The following STMN1 variants were observed in gnomAD, a reference collection of about 807,000 sequenced individuals.
STMN1 encodes the protein stathmin 1.
A neutral mutation model predicts 19.7 loss-of-function variants in STMN1; 3 were observed. The ratio of observed to expected loss-of-function variants is 0.15; its 90% CI spans 0.07 to 0.39. The LOEUF is 0.39. Among genes scored for constraint, STMN1 ranks in the 10% least tolerant of loss-of-function variants. STMN1 has a pLI of 1.00. For synonymous variants in STMN1, 59 were observed against 58.9 expected (o/e 1.00, Z -0.01); for missense variants, 99 against 176.0 (o/e 0.56, Z 2.48).
intron 4 of STMN1, chr1:25,892,599 G>A: frequency 5.1e-6 from 5 of 985,326 alleles, no homozygotes; most frequent in Non-Finnish European, 6.0e-6. Flanking sequence ...AGCTGGAGCT[G>A]AGATTCTTGA....
chr1:25,887,043 C>T (rs932954603), intron 4 of STMN1, among the ~76,000 whole-genome samples: 5 of 152,140 alleles, frequency 3.3e-5, no homozygotes, highest in Non-Finnish European at 1.5e-5. Context: ...CTCTGATTAT[C>T]CTACCAGACC....
At chr1:25,903,871 G>C in intron 2 of STMN1, 58 bp from the exon 3 acceptor site, 1 of 1,508,806 alleles carries the variant, frequency 6.6e-7, no homozygotes, top group Non-Finnish European at 8.9e-7. Flanking sequence ...CTAATAAACT[G>C]TACTATAATT....
At chr1:25,885,592 C>G (rs1285984684) in exon 5 of STMN1, 3 of 1,200,726 alleles carry the variant, frequency 2.5e-6, no homozygotes, top group Non-Finnish European at 3.4e-6. Context: ...GCAGAACTGG[C>G]TGGTATTAGA....
rs896135736 is a variant in STMN1 at position 25,906,216 on chromosome 1, G to C, written c.-63+173C>G. ...AGAGCGGGGACAAAGGCGAGGCTCC[G>C]CCCGAGCCACACACAAAGCGGAGCG... is the stretch of plus-strand genomic sequence containing the variant. On this transcript the variant is annotated intron_variant, in intron 1 of 4. Transcript: ENST00000455785. This position sits in a 1 kb window ranked among gnomAD's most constrained non-coding sequence, Gnocchi z 4.5. 2.6e-5 allele frequency: 4 copies of C among 152,012 alleles called. No homozygotes were observed. Among genetic ancestry groups the C allele is most frequent in the African/African-American group, 9.7e-5 (4 of 41,378 alleles). 9.4% of individuals were successfully genotyped at this position (152,012 alleles called of 1,614,324 possible).
At chr1:25,885,717 A>G in exon 5 of STMN1, 1 of 1,548,558 alleles carries the variant, frequency 6.5e-7, no homozygotes, top group Non-Finnish European at 8.7e-7. Flanking sequence ...AATATTTATT[A>G]AGTACCTAGT....
chr1:25,895,163 C>T (rs183893546), downstream of STMN1, among the ~76,000 whole-genome samples: 16 of 141,342 alleles, frequency 1.1e-4, no homozygotes, highest in African/African-American at 2.6e-4. Context: ...AGTGCGGTGG[C>T]GTGATCTATG....
chr1:25,897,917 CAT>C (rs1243913159), downstream of STMN1, among the ~76,000 whole-genome samples: 1 of 152,184 alleles, frequency 6.6e-6, no homozygotes, highest in African/African-American at 2.4e-5. Flanking sequence ...GTTTAGAGCA[CAT>C]GTCCCAGTTC....
Position 25,906,014 on chromosome 1 carries a change from C to A in STMN1, c.-63+375G>T, listed in dbSNP as rs903748385. ...GCAGTTTGGTCCTAAAGCCGCTGGT[C>A]CCTGGGGCACCGCCCCGTCCCTTCA... On this transcript the variant is annotated intron_variant, in intron 1 of 4. Transcript: ENST00000455785. The surrounding 1 kb of genome is among the most constrained non-coding windows in gnomAD (Gnocchi z 4.5). 2.0e-5 allele frequency: 3 copies of A among 152,180 alleles called. No homozygotes were observed. The highest frequency in any genetic ancestry group is 2.9e-5 in the Non-Finnish European group (2 of 68,032). The allele number at this position is 152,180 out of a possible 1,614,324, so 9.4% of individuals were successfully genotyped here. A position where few individuals can be genotyped will look rare whatever the true frequency, so the allele number is the denominator to read the frequency against.
downstream of STMN1, among the ~76,000 whole-genome samples, chr1:25,898,479 G>A (rs532740321): frequency 6.6e-6 from 1 of 152,300 alleles, no homozygotes; most frequent in Admixed American, 6.5e-5. Context: ...ACATGGGCAC[G>A]TGATATGCTG....
intron 2 of STMN1, 43 bp from the exon 3 acceptor site, chr1:25,903,856 C>G: frequency 6.4e-7 from 1 of 1,556,868 alleles, no homozygotes; most frequent in Non-Finnish European, 8.7e-7. Flanking sequence ...CAGGATTCTC[C>G]TGTTCTAATA....
chr1:25,894,480 G>T (rs945920150), intron 4 of STMN1, among the ~76,000 whole-genome samples: 1 of 152,202 alleles, frequency 6.6e-6, no homozygotes, highest in Admixed American at 6.5e-5. Context: ...AGGAGTTCGA[G>T]ACCGGCCTGG....
chr1:25,893,109 T>C (rs554773313), intron 4 of STMN1, among the ~76,000 whole-genome samples: 1 of 152,182 alleles, frequency 6.6e-6, no homozygotes, highest in Admixed American at 6.5e-5. Flanking sequence ...ACATTTATAT[T>C]ATCTATATTT....
At chr1:25,902,024 A>G (rs770888804) in intron 3 of STMN1, 54 of 162,936 alleles carry the variant, frequency 3.3e-4, no homozygotes, top group Non-Finnish European at 6.0e-4. Flanking sequence ...AAATGTATTC[A>G]GCATAAGTTA....
downstream of STMN1, among the ~76,000 whole-genome samples, chr1:25,897,149 C>G (rs2048824332): frequency 6.6e-6 from 1 of 151,994 alleles, no homozygotes; most frequent in South Asian, 2.1e-4. Context: ...CCTGTCTCTA[C>G]TAAGAATACA....
intron 4 of STMN1, among the ~76,000 whole-genome samples, chr1:25,894,302 G>A (rs1297914225): frequency 6.6e-6 from 1 of 152,130 alleles, no homozygotes; most frequent in Non-Finnish European, 1.5e-5. Flanking sequence ...CAGGCTGTTG[G>A]GGACTGGAGA....
At chr1:25,891,825 G>A (rs994278389) in intron 4 of STMN1, among the ~76,000 whole-genome samples, 6 of 152,254 alleles carry the variant, frequency 3.9e-5, no homozygotes, top group African/African-American at 1.4e-4. Flanking sequence ...CACACAATGA[G>A]GGGGAAATGG....
rs1192280346 is a variant in STMN1 at position 25,885,694 on chromosome 1, A to G, written c.*29T>C. 13 of 1,541,614 alleles carry G rather than the reference A, an allele frequency of 8.4e-6. 1 individual carries two copies. The South Asian group carries it at 1.5e-4, about 17-fold the overall frequency. On this transcript the variant is annotated 3_prime_UTR_variant, in exon 5 of 5. Transcript: ENST00000426559. ...GTTCATCAGTCTCAAGGTCATTGCT[A>G]TCATCAACAGCAAATATTTATTAAG...
chr1:25,890,663 G>A (rs938687119), intron 4 of STMN1, among the ~76,000 whole-genome samples: 24 of 152,220 alleles, frequency 1.6e-4, no homozygotes, highest in Non-Finnish European at 2.8e-4. Flanking sequence ...ACTAGAGCCA[G>A]GTAGTCATCT....
In STMN1 at chr1:25,906,319, C is replaced by A. The variant is rs1391877912; in HGVS notation, c.-63+70G>T. On this transcript the variant is annotated intron_variant, in intron 1 of 4. Transcript: ENST00000455785. The surrounding 1 kb of genome is among the most constrained non-coding windows in gnomAD (Gnocchi z 4.5). ...GCAGGGGGTCGCTGCCACGGCCCAGCCCCTCCCGCCGACCGCGTCCCTCTT... is the reference window on the plus strand; with the variant it reads ...GCAGGGGGTCGCTGCCACGGCCCAGACCCTCCCGCCGACCGCGTCCCTCTT... 2.0e-5 allele frequency: 3 copies of A among 152,378 alleles called. No homozygotes were observed. Among genetic ancestry groups the A allele is most frequent in the Non-Finnish European group, 4.4e-5 (3 of 68,254 alleles). 9.4% of individuals were successfully genotyped at this position (152,378 alleles called of 1,614,324 possible).
Sources: allele counts gnomAD v4.1 joint callset (sites outside exome capture counted in the v4.1 genomes callset), GRCh38; gene constraint gnomAD v4.1.1; non-coding constraint Gnocchi (gnomAD v3.1); transcripts MANE v1.5; gene names NCBI Gene and HGNC (gene_info 2026-07-23, HGNC 2026-07-21).